The following RFC3 variants were observed in gnomAD, a reference collection of about 807,000 sequenced individuals.
The protein encoded by RFC3 is replication factor C subunit 3, also known as A1 38 kDa subunit.
A neutral mutation model predicts 45.1 loss-of-function variants in RFC3; 41 were observed. The observed-to-expected ratio is 0.91, with a 90% CI of 0.71 to 1.18. The LOEUF is 1.18. Among genes scored for constraint, RFC3 ranks in the 50% most tolerant of loss-of-function variants. The pLI is 0.00. For missense variants in RFC3, 423 were observed against 428.1 expected, an observed-to-expected ratio of 0.99 and a Z score of 0.10; for synonymous variants, 149 against 144.0, an observed-to-expected ratio of 1.03 and a Z score of -0.25.
At chr13:33,838,821 C>T (rs1371193984), downstream of RFC3, among the ~76,000 whole-genome samples, 2 of 152,050 alleles carry the variant, frequency 1.3e-5, no homozygotes, top group African/African-American at 2.4e-5. Flanking sequence ...GAAAACTTGA[C>T]GTTTTAGGTA....
intron 8 of RFC3, among the ~76,000 whole-genome samples, chr13:33,962,544 A>G (rs1286447097): frequency 6.6e-6 from 1 of 152,204 alleles, no homozygotes; most frequent in Non-Finnish European, 1.5e-5. Context: ...CTTCTGGGGC[A>G]TATCCTAAGG....
chr13:33,881,756 A>T (rs1346369520), intron 8 of RFC3, among the ~76,000 whole-genome samples: 4 of 151,982 alleles, frequency 2.6e-5, no homozygotes, highest in African/African-American at 9.7e-5. Context: ...TCCTCTGCCC[A>T]TCAGGCTTTG....
chr13:33,858,797 A>G (rs572687352), intron 8 of RFC3, among the ~76,000 whole-genome samples: 1 of 152,346 alleles, frequency 6.6e-6, no homozygotes, highest in South Asian at 2.1e-4. Flanking sequence ...TTATCTATCT[A>G]TTTAAGTGGA....
intron 8 of RFC3, among the ~76,000 whole-genome samples, chr13:33,910,320 A>G (rs1432355409): frequency 1.3e-5 from 2 of 152,086 alleles, no homozygotes; most frequent in Non-Finnish European, 2.9e-5. Context: ...CTTAGACATT[A>G]TCTTTTCTAA....
At chr13:33,841,550 A>G (rs1027355255), downstream of RFC3, among the ~76,000 whole-genome samples, 1 of 152,214 alleles carries the variant, frequency 6.6e-6, no homozygotes, top group African/African-American at 2.4e-5. Context: ...ATATAATAAT[A>G]CAGTATATAA....
chr13:33,866,562 C>A (rs980515413), intron 8 of RFC3, among the ~76,000 whole-genome samples: 1 of 152,180 alleles, frequency 6.6e-6, no homozygotes, highest in Non-Finnish European at 1.5e-5. Context: ...ATGCCTCATA[C>A]AGTTCTCAGC....
chr13:33,875,315 G>A (rs1284443987), intron 8 of RFC3, among the ~76,000 whole-genome samples: 2 of 152,130 alleles, frequency 1.3e-5, no homozygotes, highest in East Asian at 3.9e-4. Flanking sequence ...TTTGGGGAGG[G>A]CCTGGAGAGA....
At chr13:33,872,795 C>CCA (rs750756159) in intron 8 of RFC3, among the ~76,000 whole-genome samples, 1 of 131,546 alleles carries the variant, frequency 7.6e-6, no homozygotes, top group Non-Finnish European at 1.7e-5. Context: ...AAACCAAACC[C>CCA]CCCCCCCCAA....
chr13:33,899,769 A>C (rs2082627760), intron 8 of RFC3, among the ~76,000 whole-genome samples: 1 of 151,960 alleles, frequency 6.6e-6, no homozygotes, highest in Admixed American at 6.6e-5. Flanking sequence ...ATGACCTTAT[A>C]CTTAGAAAAA....
chr13:33,880,423 C>T (rs55836368), intron 8 of RFC3, among the ~76,000 whole-genome samples: 3,370 of 152,086 alleles, frequency 0.022, 99 homozygotes, highest in East Asian at 0.14. Context: ...TCAGAAAAGA[C>T]GAATTAGTGA....
chr13:33,955,810 C>T (rs2083018464), intron 8 of RFC3, among the ~76,000 whole-genome samples: 1 of 152,172 alleles, frequency 6.6e-6, no homozygotes, highest in Admixed American at 6.5e-5. Context: ...CCCCACACAC[C>T]ACCCAGATGT....
intron 8 of RFC3, among the ~76,000 whole-genome samples, chr13:33,946,594 G>A (rs1182176471): frequency 6.6e-6 from 1 of 151,982 alleles, no homozygotes; most frequent in Non-Finnish European, 1.5e-5. Context: ...AAAATATTTT[G>A]TGAGAAAAAT....
intron 8 of RFC3, among the ~76,000 whole-genome samples, chr13:33,859,418 TAA>T (rs1439348798): frequency 6.6e-6 from 1 of 152,170 alleles, no homozygotes; most frequent in Non-Finnish European, 1.5e-5. Context: ...ATAAAAAGTA[TAA>T]AGTCATTAAA....
At chr13:33,824,825 G>A (rs2082034655) in intron 3 of RFC3, among the ~76,000 whole-genome samples, 1 of 152,066 alleles carries the variant, frequency 6.6e-6, no homozygotes, top group Admixed American at 6.6e-5. Flanking sequence ...ATTTTCTCTA[G>A]GCATCTCAAA....
intron 8 of RFC3, among the ~76,000 whole-genome samples, chr13:33,863,235 T>C (rs997663636): frequency 1.3e-5 from 2 of 151,946 alleles, no homozygotes; most frequent in Admixed American, 1.3e-4. Flanking sequence ...ATATACACAA[T>C]GCACATATGC....
intron 8 of RFC3, 58 bp from the exon 9 acceptor site, chr13:33,836,046 A>C (rs1348893396): frequency 4.0e-5 from 60 of 1,505,670 alleles, no homozygotes; most frequent in Non-Finnish European, 5.0e-5. Flanking sequence ...TGGGAGAAAT[A>C]AGGCATGCTT....
chr13:33,961,523 ATTG>A (rs1022836604), intron 8 of RFC3, among the ~76,000 whole-genome samples: 14 of 152,216 alleles, frequency 9.2e-5, no homozygotes, highest in African/African-American at 3.4e-4. Flanking sequence ...GCTGTTCAAT[ATTG>A]TTGTTTGATG....
At chr13:33,908,114 A>C (rs1276005794) in intron 8 of RFC3, among the ~76,000 whole-genome samples, 1 of 152,002 alleles carries the variant, frequency 6.6e-6, no homozygotes, top group African/African-American at 2.4e-5. Context: ...TACTCAAAGA[A>C]CACCCCAAAA....
Position 33,947,978 on chromosome 13 carries a change from C to A in RFC3, c.880-18109C>A, listed in dbSNP as rs116915279. Among the ~76,000 whole-genome samples the A allele has an allele frequency of 3.9e-5, 6 of 152,304 alleles. No homozygotes were observed. In the East Asian group the frequency reaches 1.2e-3, roughly 29 times the overall value. Reference sequence around the variant, plus strand: ...GGCGATGTGATAGAAAAGAAAACCCCATTTTCTTGGGAGAAATTCAAGTTT... The same window carrying A: ...GGCGATGTGATAGAAAAGAAAACCCAATTTTCTTGGGAGAAATTCAAGTTT... On this transcript the variant is annotated intron_variant, in intron 8 of 8. Coordinates refer to the RFC3 transcript ENST00000434425.
Sources: gnomAD v4.1 joint callset for allele counts (sites outside exome capture counted in the v4.1 genomes callset) on GRCh38, gnomAD v4.1.1 for gene constraint, MANE v1.5 for transcripts, NCBI Gene and HGNC (gene_info 2026-07-23, HGNC 2026-07-21) for gene names.